Variants in CLOCK observed in about 807,000 individuals in gnomAD.
The protein encoded by CLOCK is clock circadian regulator.
A neutral mutation model predicts 118.4 loss-of-function variants in CLOCK; 43 were observed. The ratio of observed to expected loss-of-function variants is 0.36; its 90% CI spans 0.28 to 0.47. CLOCK has a LOEUF of 0.47. Among genes scored for constraint, CLOCK ranks in the 20% least tolerant of loss-of-function variants. The pLI, the probability that CLOCK is intolerant of heterozygous loss-of-function variation, is 1.00. For synonymous variants in CLOCK, 326 were observed against 339.2 expected, an observed-to-expected ratio of 0.96 and a Z score of 0.43; for missense variants, 846 against 999.9, an observed-to-expected ratio of 0.85 and a Z score of 2.08.
chr4:55,480,657 G>A (rs984269531), intron 4 of CLOCK, among the ~76,000 whole-genome samples: 5 of 152,270 alleles, frequency 3.3e-5, no homozygotes, highest in African/African-American at 7.2e-5. Context: ...TTGGGAGGCC[G>A]AGGCGGGCGG....
chr4:55,471,731 A>G (rs566653036), intron 7 of CLOCK, among the ~76,000 whole-genome samples: 2 of 152,324 alleles, frequency 1.3e-5, no homozygotes, highest in South Asian at 4.1e-4. Context: ...CAAATCCTGG[A>G]AGAATTATCT....
intron 4 of CLOCK, among the ~76,000 whole-genome samples, chr4:55,481,159 T>C (rs993978606): frequency 2.0e-5 from 3 of 152,208 alleles, no homozygotes; most frequent in Non-Finnish European, 2.9e-5. Flanking sequence ...CACCTTTCTA[T>C]GGCCTATAAA....
intron 1 of CLOCK, among the ~76,000 whole-genome samples, chr4:55,538,729 A>C (rs1352417892): frequency 6.6e-6 from 1 of 152,260 alleles, no homozygotes; most frequent in Non-Finnish European, 1.5e-5. Flanking sequence ...TGAACACATC[A>C]AAGTGCTTTA....
At chr4:55,497,627 T>A (rs1420797693) in intron 2 of CLOCK, among the ~76,000 whole-genome samples, 3 of 152,218 alleles carry the variant, frequency 2.0e-5, no homozygotes, top group Non-Finnish European at 4.4e-5. Flanking sequence ...TGAACTATCT[T>A]AACCTTTCAT....
intron 1 of CLOCK, among the ~76,000 whole-genome samples, chr4:55,526,393 A>C (rs567749473): frequency 1.3e-5 from 2 of 152,348 alleles, no homozygotes; most frequent in East Asian, 3.9e-4. Flanking sequence ...TTCACTGATC[A>C]ATCTTAACAT....
intron 7 of CLOCK, among the ~76,000 whole-genome samples, chr4:55,475,247 T>G (rs1299312614): frequency 6.6e-6 from 1 of 152,108 alleles, no homozygotes; most frequent in Non-Finnish European, 1.5e-5. Context: ...GCAAGAGAAT[T>G]AGAATTAAAA....
chr4:55,497,306 C>T (rs1425524138), intron 2 of CLOCK, among the ~76,000 whole-genome samples: 2 of 152,182 alleles, frequency 1.3e-5, no homozygotes. Context: ...ATTTCTTCTG[C>T]CTCTTTCTTC....
chr4:55,478,768 A>T, intron 6 of CLOCK, 47 bp downstream of exon 6: 1 of 1,579,970 alleles, frequency 6.3e-7, no homozygotes, highest in Non-Finnish European at 8.7e-7. Context: ...CAAGATTCTA[A>T]CTAATGCTTT....
intron 2 of CLOCK, among the ~76,000 whole-genome samples, chr4:55,490,408 C>G (rs1162541265): frequency 3.9e-5 from 6 of 151,960 alleles, no homozygotes; most frequent in African/African-American, 1.4e-4. Flanking sequence ...ACAGCAGATA[C>G]AATAGTAGCA....
At chr4:55,448,009 T>TA (rs1251693891) in intron 18 of CLOCK, among the ~76,000 whole-genome samples, 1 of 152,194 alleles carries the variant, frequency 6.6e-6, no homozygotes, top group Non-Finnish European at 1.5e-5. Context: ...TTTTTTTGGC[T>TA]ACTTTCCACA....
intron 18 of CLOCK, among the ~76,000 whole-genome samples, chr4:55,447,659 T>G (rs945902399): frequency 4.8e-4 from 73 of 152,246 alleles, no homozygotes; most frequent in African/African-American, 1.5e-3. Context: ...CCCCATAACA[T>G]GTTAAGAAAT....
intron 1 of CLOCK, among the ~76,000 whole-genome samples, chr4:55,513,145 C>G (rs962562262): frequency 6.6e-6 from 1 of 152,156 alleles, no homozygotes; most frequent in Non-Finnish European, 1.5e-5. Flanking sequence ...TCCAGCCCAA[C>G]AAGCTCCATG....
At position 55,429,473 on chromosome 4, in the gene CLOCK, AGTTTT is replaced by A. The variant is rs1722376597; in HGVS notation, c.*5937_*5941del. ...TTTACTGGGCAGTGCTGTGTATGGA[AGTTTT>A]GTTTTGTTTTCAAAGGACCAAGTAA... On this transcript the variant is annotated 3_prime_UTR_variant, in exon 23 of 23. Transcript: ENST00000513440. The A allele has an allele frequency of 1.3e-5, 2 of 152,170 alleles. No individual in the cohort carries two copies. The highest frequency in any genetic ancestry group is 6.5e-5 in the Admixed American group (1 of 15,268). 9.4% of individuals were successfully genotyped at this position (152,170 alleles called of 1,614,324 possible). A position where few individuals can be genotyped will look rare whatever the true frequency, so the allele number is the denominator to read the frequency against.
intron 2 of CLOCK, among the ~76,000 whole-genome samples, chr4:55,505,746 T>C (rs891519558): frequency 1.5e-5 from 2 of 135,778 alleles, no homozygotes; most frequent in African/African-American, 2.6e-5. Flanking sequence ...TTAAACTTTA[T>C]ACTTGGAAAT....
intron 1 of CLOCK, among the ~76,000 whole-genome samples, chr4:55,531,033 T>G (rs1446818987): frequency 6.6e-6 from 1 of 151,804 alleles, no homozygotes; most frequent in Non-Finnish European, 1.5e-5. Context: ...GAAAAACATC[T>G]GAGAATATGA....
intron 4 of CLOCK, among the ~76,000 whole-genome samples, chr4:55,480,192 CAT>C (rs1238994768): frequency 1.3e-5 from 2 of 152,210 alleles, no homozygotes; most frequent in African/African-American, 2.4e-5. Flanking sequence ...TATTAGCACT[CAT>C]GTGCTCTGTT....
chr4:55,447,794 A>G (rs189708240), intron 18 of CLOCK, among the ~76,000 whole-genome samples: 67 of 152,342 alleles, frequency 4.4e-4, no homozygotes, highest in Non-Finnish European at 4.4e-5. Flanking sequence ...GTTTTCACCT[A>G]TTATTAATGA....
chr4:55,448,819 G>A lies in CLOCK; in HGVS notation c.1499C>T (p.Ser500Phe). The change falls in exon 18 of 23, where the codon TCT (serine) becomes TTT (phenylalanine). Residue 500 changes from serine to phenylalanine, a missense_variant. By Grantham distance (155) the Ser-to-Phe change is radical (BLOSUM62 -2). Around this residue, in one of 4 missense-constraint regions of CLOCK, gnomAD observed 520 missense variants for 558.0 expected, o/e 0.93. Coordinates refer to ENST00000513440, the MANE Select transcript of CLOCK (RefSeq NM_004898.4). ...TGGAATTGGTAAATTTGTAGCTTGA[G>A]ACATCACTGGCTGTGTTAATGATGA... ...VGSSLTQPVM[S>F]QATNLPIPQG... 1 of 1,613,988 alleles carries A rather than the reference G, an allele frequency of 6.2e-7. No homozygotes were observed. Among genetic ancestry groups the A allele is most frequent in the Admixed American group, 1.7e-5 (1 of 60,020 alleles).
chr4:55,522,455 GA>G (rs1729903424), intron 1 of CLOCK, among the ~76,000 whole-genome samples: 1 of 145,154 alleles, frequency 6.9e-6, no homozygotes, highest in Admixed American at 6.8e-5. Context: ...ATATCAGTAA[GA>G]AAAAAAGATA....
Sources: gnomAD v4.1 joint callset for allele counts (sites outside exome capture counted in the v4.1 genomes callset) on GRCh38, gnomAD v4.1.1 for gene constraint, gnomAD v4.1.1 regional missense constraint, MANE v1.5 for transcripts, NCBI Gene and HGNC (gene_info 2026-07-23, HGNC 2026-07-21) for gene names.